FNDC1: variants seen among roughly 807,000 people sequenced by gnomAD.
FNDC1 encodes fibronectin type III domain containing 1.
A neutral mutation model predicts 168.0 loss-of-function variants in FNDC1; 96 were observed. The ratio of observed to expected loss-of-function variants is 0.57; its 90% CI spans 0.48 to 0.68. The LOEUF (loss-of-function observed/expected upper bound fraction) is 0.68, where lower values mean the gene tolerates loss of function less well. FNDC1 is among the 30% of genes least tolerant of loss of function. FNDC1 has a pLI of 0.00. For synonymous variants in FNDC1, 1,099 were observed against 1,025.9 expected (o/e 1.07, Z -1.36); for missense variants, 2,587 against 2,482.1 (o/e 1.04, Z -0.90).
At chr6:159,182,616 A>G (rs1236677205) in intron 1 of FNDC1, among the ~76,000 whole-genome samples, 1 of 152,228 alleles carries the variant, frequency 6.6e-6, no homozygotes, top group Non-Finnish European at 1.5e-5. Context: ...GTGCCAATGT[A>G]GTGCTTCCTT....
intron 4 of FNDC1, among the ~76,000 whole-genome samples, chr6:159,202,242 C>CA (rs201750333): frequency 5.7e-4 from 86 of 151,616 alleles, no homozygotes; most frequent in Non-Finnish European, 9.6e-4. Context: ...ACGACAACAA[C>CA]AAAAAAAACC....
rs926405593 is a variant in FNDC1 at position 159,264,890 on chromosome 6, G to A, written c.5255-85G>A. On this transcript the variant is annotated intron_variant, in intron 19 of 22. Transcript: ENST00000297267. ...CTTTTTCTTTATTCTAATTTGGTTA[G>A]CTATTTCAGTTACACTAACCATTTA... is the stretch of plus-strand genomic sequence containing the variant. The A allele has an allele frequency of 4.0e-5, 44 of 1,107,894 alleles. No homozygotes were observed. In the South Asian group the frequency reaches 6.8e-4, roughly 17 times the overall value. The allele number at this position is 1,107,894 out of a possible 1,614,324, so 68.6% of individuals were successfully genotyped here. A position where few individuals can be genotyped will look rare whatever the true frequency, so the allele number is the denominator to read the frequency against.
chr6:159,175,799 G>C (rs964242204), intron 1 of FNDC1, among the ~76,000 whole-genome samples: 1 of 152,208 alleles, frequency 6.6e-6, no homozygotes, highest in African/African-American at 2.4e-5. Context: ...GTGAGTGCTT[G>C]ATCTTTACCG....
intron 7 of FNDC1, among the ~76,000 whole-genome samples, chr6:159,224,028 C>A (rs1215065371): frequency 6.6e-6 from 1 of 152,198 alleles, no homozygotes; most frequent in Non-Finnish European, 1.5e-5. Context: ...ACCATTCCTC[C>A]TGTGATCCAG....
chr6:159,267,754 G>T (rs764627276), intron 21 of FNDC1, 50 bp from the exon 22 acceptor site: 2 of 1,607,520 alleles, frequency 1.2e-6, no homozygotes, highest in East Asian at 4.5e-5. Flanking sequence ...TCCTAAACCA[G>T]TTGTGACTTT....
At chr6:159,269,976 GC>G (rs2115039173) in intron 22 of FNDC1, among the ~76,000 whole-genome samples, 1 of 152,262 alleles carries the variant, frequency 6.6e-6, no homozygotes, top group East Asian at 1.9e-4. Flanking sequence ...GATTGCTTGA[GC>G]CCAGGAGTTT....
chr6:159,234,331 G>A lies in FNDC1; in HGVS notation c.3819G>A (p.Ala1273=). Residue 1273 remains alanine (A), a synonymous_variant, in exon 11 of 23, where the codon GCG becomes GCA. Coordinates refer to ENST00000297267, the MANE Select transcript of FNDC1 (RefSeq NM_032532.3). Reference sequence around the variant, plus strand: ...GCGCTGCCACCGTGAGCCCCGTCGCGGGCACCCACCCCTGGCCGCAGTACA... The same window carrying A: ...GCGCTGCCACCGTGAGCCCCGTCGCAGGCACCCACCCCTGGCCGCAGTACA... ...PRSAATVSPV[A]GTHPWPQYTT... is the part of the protein sequence containing the mutation. 6.8e-6 allele frequency: 11 copies of A among 1,610,366 alleles called. No individual in the cohort carries two copies. The highest frequency in any genetic ancestry group is 2.2e-5 in the South Asian group (2 of 90,526).
chr6:159,187,670 T>A (rs1782031935), intron 1 of FNDC1, among the ~76,000 whole-genome samples: 1 of 152,222 alleles, frequency 6.6e-6, no homozygotes, highest in Admixed American at 6.5e-5. Context: ...CAAAACAACC[T>A]GGACTTCCAG....
Position 159,239,655 on chromosome 6 carries a change from T to C in FNDC1, c.4319T>C (p.Ile1440Thr), listed in dbSNP as rs1178038673. ...GGKPLVGLEV[I>T]KKTTHPPTTT... Reference sequence around the variant, plus strand: ...AAGCCGCTGGTGGGCTTGGAGGTCATCAAAAAAACCACCCATCCCCCTACC... The same window carrying C: ...AAGCCGCTGGTGGGCTTGGAGGTCACCAAAAAAACCACCCATCCCCCTACC... Residue 1440 changes from isoleucine (I) to threonine (T), a missense_variant, in exon 14 of 23, where the codon ATC becomes ACC. Coordinates refer to ENST00000297267, the MANE Select transcript of FNDC1 (RefSeq NM_032532.3). 2 of 1,552,326 alleles carry C rather than the reference T, an allele frequency of 1.3e-6. No homozygotes were observed. The highest frequency in any genetic ancestry group is 1.4e-5 in the African/African-American group (1 of 73,022).
intron 4 of FNDC1, among the ~76,000 whole-genome samples, chr6:159,205,866 A>C (rs1452585764): frequency 6.6e-6 from 1 of 152,208 alleles, no homozygotes; most frequent in Admixed American, 6.5e-5. Context: ...AAGTCATATT[A>C]GTGAAGGAAG....
intron 8 of FNDC1, 64 bp downstream of exon 8, chr6:159,225,786 G>T (rs1327485884): frequency 4.2e-6 from 6 of 1,412,430 alleles, no homozygotes; most frequent in Non-Finnish European, 5.8e-6. Flanking sequence ...AAGATTTAAA[G>T]ACAATGTAAG....
rs1005591275 is a variant in FNDC1 at position 159,271,383 on chromosome 6, A to C, written c.5626A>C (p.Thr1876Pro). The C allele has an allele frequency of 1.2e-6, 2 of 1,612,540 alleles. No individual in the cohort carries two copies. Among genetic ancestry groups the C allele is most frequent in the Non-Finnish European group, 1.7e-6 (2 of 1,179,426 alleles). Residue 1876 changes from threonine to proline, a missense_variant, in exon 23 of 23, where the codon ACC becomes CCC. Transcript: ENST00000297267. ...CAGGTTTGGGAACATCGGCTTCGGA[A>C]CCCCCTACTACTATGTGGGCTGGTA... ...PVRFGNIGFG[T>P]PYYYVGWYEC... is the part of the protein sequence containing the mutation.
At chr6:159,236,964 G>C (rs1454328932) in intron 12 of FNDC1, among the ~76,000 whole-genome samples, 1 of 152,140 alleles carries the variant, frequency 6.6e-6, no homozygotes, top group African/African-American at 2.4e-5. Context: ...GGAATTTAAA[G>C]TACTTTTTCT....
At chr6:159,204,217 G>T (rs1485920185) in intron 4 of FNDC1, among the ~76,000 whole-genome samples, 1 of 152,062 alleles carries the variant, frequency 6.6e-6, no homozygotes, top group South Asian at 2.1e-4. Flanking sequence ...TCCTTATCTT[G>T]GTCACCCACT....
chr6:159,213,054 C>T (rs1189678442), intron 4 of FNDC1, among the ~76,000 whole-genome samples: 1 of 152,184 alleles, frequency 6.6e-6, no homozygotes, highest in African/African-American at 2.4e-5. Flanking sequence ...GCTAGATGAA[C>T]TATGTGAGAG....
chr6:159,204,822 A>T (rs1782455820), intron 4 of FNDC1, among the ~76,000 whole-genome samples: 1 of 152,150 alleles, frequency 6.6e-6, no homozygotes, highest in Non-Finnish European at 1.5e-5. Context: ...GTCCTCACAC[A>T]GTTTCCTTTC....
At position 159,214,944 on chromosome 6, in the gene FNDC1, G is replaced by T; in HGVS notation, c.461-1G>T. 1 of 1,613,654 alleles carries T rather than the reference G, an allele frequency of 6.2e-7. No individual in the cohort carries two copies. The highest frequency in any genetic ancestry group is 1.1e-5 in the South Asian group (1 of 91,058). The stretch of plus-strand genomic sequence containing the variant: ...CACTTTTGTGTCCTGCCCTCTTTAA[G>T]AAAAGGAAGTGCCCAACAAGCCCTT... On this transcript the variant is annotated splice_acceptor_variant, in intron 4 of 22. Coordinates refer to ENST00000297267, the MANE Select transcript of FNDC1 (RefSeq NM_032532.3). LOFTEE classifies it high-confidence loss of function.
rs1326361565 is a variant in FNDC1, at chr6:159,200,501, T to C, written c.392-12T>C. ...TCGTTTCTAACTATCAAGTTGCATT[T>C]CCCTAATTTAGGAGGTGAATGGATC... On this transcript the variant is annotated splice_polypyrimidine_tract_variant and intron_variant, in intron 3 of 22. Coordinates refer to ENST00000297267, the MANE Select transcript of FNDC1 (RefSeq NM_032532.3). The C allele has an allele frequency of 6.3e-7, 1 of 1,590,492 alleles. No homozygotes were observed.
chr6:159,235,233 C>T lies in FNDC1; in HGVS notation c.3967+754C>T, dbSNP rs370449149. ...TCCAGGGCAGGGTCCGAGGCATTTA[C>T]CATAAATTTGCATTCAGTTAAATGG... On this transcript the variant is annotated intron_variant, in intron 11 of 22. Transcript: ENST00000297267. 2.0e-3 allele frequency among the ~76,000 whole-genome samples: 309 copies of T among 152,264 alleles called. 1 individual carries two copies. Among genetic ancestry groups the T allele is most frequent in the African/African-American group, 7.1e-3 (296 of 41,542 alleles).
Sources: allele counts gnomAD v4.1 joint callset (sites outside exome capture counted in the v4.1 genomes callset), GRCh38; gene constraint gnomAD v4.1.1; transcripts MANE v1.5; gene names NCBI Gene and HGNC (gene_info 2026-07-23, HGNC 2026-07-21).